Variants in UGT1A6 observed in about 807,000 individuals in gnomAD.
The protein encoded by UGT1A6 is UDP-glucuronosyltransferase 1A6.
A neutral mutation model predicts 44.4 loss-of-function variants in UGT1A6; 32 were observed. That is an observed-to-expected ratio of 0.72 (90% CI 0.54 to 0.97). The LOEUF (loss-of-function observed/expected upper bound fraction) is 0.97, where lower values mean the gene tolerates loss of function less well. Among genes scored for constraint, UGT1A6 ranks in the 50% least tolerant of loss-of-function variants. UGT1A6 has a pLI of 0.00. For missense variants in UGT1A6, 685 were observed against 661.9 expected, an observed-to-expected ratio of 1.03 and a Z score of -0.38; for synonymous variants, 238 against 248.5, an observed-to-expected ratio of 0.96 and a Z score of 0.40.
At chr2:233,743,465 C>G in intron 1 of UGT1A6, 1 of 1,366,596 alleles carries the variant, frequency 7.3e-7, no homozygotes, top group Non-Finnish European at 9.8e-7. Flanking sequence ...AAAACACCCC[C>G]AAAAGCTGGA....
rs770564267 is a variant in UGT1A6 at position 233,772,524 on chromosome 2, C to A, written c.1564C>A (p.Arg522=). 1.2e-6 allele frequency: 2 copies of A among 1,613,956 alleles called. No individual in the cohort carries two copies. The highest frequency in any genetic ancestry group is 2.2e-5 in the East Asian group (1 of 44,874). Residue 522 remains arginine (R), a synonymous_variant, in exon 5 of 5, where the codon CGA becomes AGA. Transcript: ENST00000305139. ...GYRKCLGKKG[R]VKKAHKSKTH ...CCGGAAATGCTTGGGGAAAAAAGGG[C>A]GAGTTAAGAAAGCCCACAAATCCAA...
At chr2:233,716,310 C>G (rs1253519294) in intron 1 of UGT1A6, among the ~76,000 whole-genome samples, 4 of 152,212 alleles carry the variant, frequency 2.6e-5, no homozygotes, top group African/African-American at 9.7e-5. Flanking sequence ...TCTCTTCCAC[C>G]TGTAATGGAA....
chr2:233,767,286 C>G, intron 2 of UGT1A6, 121 bp downstream of exon 2: 1 of 1,568,700 alleles, frequency 6.4e-7, no homozygotes, highest in African/African-American at 1.4e-5. Context: ...CCTGCCACTT[C>G]CCAACTATTA....
chr2:233,705,417 G>T (rs1339008416), intron 1 of UGT1A6, among the ~76,000 whole-genome samples: 2 of 152,146 alleles, frequency 1.3e-5, no homozygotes, highest in African/African-American at 4.8e-5. Context: ...TGTCTTCAGA[G>T]GTGGCTCATA....
intron 1 of UGT1A6, among the ~76,000 whole-genome samples, chr2:233,751,602 T>C (rs1694760263): frequency 6.6e-6 from 1 of 152,210 alleles, no homozygotes; most frequent in Non-Finnish European, 1.5e-5. Context: ...GGATGGGACC[T>C]GGTGGGAGGT....
chr2:233,738,642 C>A (rs182421853), intron 1 of UGT1A6, among the ~76,000 whole-genome samples: 1 of 152,330 alleles, frequency 6.6e-6, no homozygotes, highest in East Asian at 1.9e-4. Context: ...TGCCCTAGAG[C>A]TCTTTGGAAC....
intron 1 of UGT1A6, 98 bp from the exon 2 acceptor site, chr2:233,766,936 A>C: frequency 6.3e-7 from 1 of 1,586,086 alleles, no homozygotes; most frequent in Admixed American, 1.8e-5. Flanking sequence ...GCCTTTAATC[A>C]TAGTCTTAAG....
In UGT1A6 at chr2:233,737,002, C is replaced by T. The variant is rs534387073; in HGVS notation, c.862-30032C>T. On this transcript the variant is annotated intron_variant, in intron 1 of 4. Transcript: ENST00000305139. ...TCAAGATACACAGAGGTCAGGGACC[C>T]GCTTGAGGAGGCAGTCTGTCCATTC... Among the ~76,000 whole-genome samples, 262 of 152,308 alleles carry T rather than the reference C, an allele frequency of 1.7e-3. 1 individual carries two copies. Among genetic ancestry groups the T allele is most frequent in the South Asian group, 4.4e-3 (21 of 4,826 alleles).
chr2:233,758,555 A>G (rs1183009321), intron 1 of UGT1A6, among the ~76,000 whole-genome samples: 1 of 152,170 alleles, frequency 6.6e-6, no homozygotes, highest in African/African-American at 2.4e-5. Context: ...CTTGCCCAGA[A>G]TCTTGGTCCT....
intron 1 of UGT1A6, among the ~76,000 whole-genome samples, chr2:233,720,962 C>T (rs370196629): frequency 1.3e-4 from 20 of 151,468 alleles, no homozygotes; most frequent in African/African-American, 2.7e-4. Flanking sequence ...CTGCCCGCCT[C>T]GGCCTCCCAA....
intron 1 of UGT1A6, among the ~76,000 whole-genome samples, chr2:233,700,927 G>T (rs1016140618): frequency 2.6e-5 from 4 of 151,424 alleles, no homozygotes; most frequent in Admixed American, 2.0e-4. Flanking sequence ...CTGTGTCTGT[G>T]TGTGATTGTT....
intron 1 of UGT1A6, chr2:233,760,452 T>A (rs1697451536): frequency 6.2e-7 from 1 of 1,614,194 alleles, no homozygotes; most frequent in Non-Finnish European, 8.5e-7. Flanking sequence ...AGAGGGGACA[T>A]GAAATAGTTG....
In UGT1A6 at chr2:233,769,819, C is replaced by T. The variant is rs35283790; in HGVS notation, c.1301+1380C>T. Reference sequence around the variant, plus strand: ...GCTATGAGCCGTGATCATGCCACTGCACTCCAGCAACCTGGGCAACAGAGT... The same window carrying T: ...GCTATGAGCCGTGATCATGCCACTGTACTCCAGCAACCTGGGCAACAGAGT... On this transcript the variant is annotated intron_variant, in intron 4 of 4. Transcript: ENST00000305139. This position sits in a 1 kb window ranked among gnomAD's most constrained non-coding sequence, Gnocchi z 4.4. The T allele has an allele frequency of 0.018, 15,000 of 840,188 alleles. 224 individuals carry two copies. Among genetic ancestry groups the T allele is most frequent in the Admixed American group, 0.067 (1,978 of 29,358 alleles). The allele number at this position is 840,188 out of a possible 1,614,324, so 52.0% of individuals were successfully genotyped here.
At chr2:233,701,458 A>G (rs1167307103) in intron 1 of UGT1A6, among the ~76,000 whole-genome samples, 7 of 152,132 alleles carry the variant, frequency 4.6e-5, no homozygotes, top group Admixed American at 1.3e-4. Flanking sequence ...TAACAAGGAT[A>G]CCCAGGAATT....
intron 1 of UGT1A6, chr2:233,713,890 T>C: frequency 1.2e-6 from 2 of 1,613,384 alleles, no homozygotes; most frequent in Non-Finnish European, 1.7e-6. Context: ...CAATCAATGT[T>C]CCAGGCAAAA....
intron 1 of UGT1A6, chr2:233,754,648 T>C (rs1008814109): frequency 4.4e-6 from 2 of 451,966 alleles, no homozygotes; most frequent in African/African-American, 2.0e-5. Context: ...CCATTCTCAA[T>C]GATTCTCTTG....
chr2:233,724,596 C>T (rs202203863), intron 1 of UGT1A6, among the ~76,000 whole-genome samples: 7 of 113,880 alleles, frequency 6.1e-5, no homozygotes, highest in Non-Finnish European at 1.1e-4. Flanking sequence ...ACATCTCAGA[C>T]GATGGGCGGC....
At chr2:233,709,200 C>A (rs1423468626) in intron 1 of UGT1A6, among the ~76,000 whole-genome samples, 10 of 152,062 alleles carry the variant, frequency 6.6e-5, no homozygotes. Flanking sequence ...TGGATCCTCA[C>A]CAGAAGTACA....
intron 1 of UGT1A6, chr2:233,754,778 A>G (rs1399549713): frequency 3.5e-6 from 4 of 1,127,052 alleles, no homozygotes; most frequent in Non-Finnish European, 3.6e-6. Flanking sequence ...CCAGGGAGCC[A>G]AAGGAACGAA....
Sources: gnomAD v4.1 joint callset for allele counts (sites outside exome capture counted in the v4.1 genomes callset) on GRCh38, gnomAD v4.1.1 for gene constraint, Gnocchi (gnomAD v3.1) non-coding constraint, MANE v1.5 for transcripts, NCBI Gene and HGNC (gene_info 2026-07-23, HGNC 2026-07-21) for gene names.